POLR1D: variants seen among roughly 807,000 people sequenced by gnomAD.
The protein encoded by POLR1D is DNA-directed RNA polymerases I and III subunit RPAC2.
A neutral mutation model predicts 10.8 loss-of-function variants in POLR1D; 8 were observed. The observed-to-expected ratio is 0.74, with a 90% CI of 0.43 to 1.33. The LOEUF (loss-of-function observed/expected upper bound fraction) is 1.33. Among genes scored for constraint, POLR1D ranks in the 40% most tolerant of loss-of-function variants. POLR1D has a pLI of 0.01. For missense variants in POLR1D, 152 were observed against 161.7 expected, an observed-to-expected ratio of 0.94 and a Z score of 0.32; for synonymous variants, 54 against 57.2, an observed-to-expected ratio of 0.94 and a Z score of 0.25.
At chr13:27,640,363 G>A (rs1200681044) in intron 1 of POLR1D, among the ~76,000 whole-genome samples, 1 of 152,164 alleles carries the variant, frequency 6.6e-6, no homozygotes, top group Non-Finnish European at 1.5e-5. Flanking sequence ...AATATGTGAA[G>A]ATTGTACCAA....
intron 2 of POLR1D, among the ~76,000 whole-genome samples, chr13:27,658,909 C>T (rs1200209881): frequency 6.6e-6 from 1 of 152,192 alleles, no homozygotes; most frequent in Non-Finnish European, 1.5e-5. Flanking sequence ...AGTCTAGTGC[C>T]TGTGGAACTT....
chr13:27,653,829 G>C (rs536511319), intron 2 of POLR1D, among the ~76,000 whole-genome samples: 66 of 152,256 alleles, frequency 4.3e-4, no homozygotes, highest in Non-Finnish European at 7.9e-4. Context: ...GCTTATAGAA[G>C]ACACCTGGGT....
intron 2 of POLR1D, chr13:27,660,886 G>C (rs555844868): frequency 4.6e-5 from 7 of 152,304 alleles, no homozygotes; most frequent in African/African-American, 1.7e-4. Flanking sequence ...GAGATGAAAT[G>C]AGGCAACATT....
intron 1 of POLR1D, among the ~76,000 whole-genome samples, chr13:27,633,025 C>T (rs1343412953): frequency 3.3e-5 from 5 of 152,102 alleles, no homozygotes; most frequent in African/African-American, 1.2e-4. Flanking sequence ...GTCTTCAACT[C>T]CATAGTTTGT....
chr13:27,662,192 G>A (rs962634104), intron 2 of POLR1D, among the ~76,000 whole-genome samples: 5 of 152,016 alleles, frequency 3.3e-5, no homozygotes, highest in Admixed American at 2.0e-4. Flanking sequence ...CAAAAATTCC[G>A]GATGTATTAG....
At chr13:27,622,696 C>G in intron 1 of POLR1D, 179 bp from the exon 2 acceptor site, 1 of 592,638 alleles carries the variant, frequency 1.7e-6, no homozygotes, top group Non-Finnish European at 3.0e-6. Context: ...AAACTGGAGG[C>G]AATAAATTAA....
intron 1 of POLR1D, among the ~76,000 whole-genome samples, chr13:27,645,563 A>G (rs952266931): frequency 7.2e-5 from 11 of 152,254 alleles, no homozygotes; most frequent in South Asian, 2.1e-4. Context: ...TTAAAGCTCT[A>G]TATCTTCATT....
intron 2 of POLR1D, among the ~76,000 whole-genome samples, chr13:27,658,009 G>A (rs1956324547): frequency 6.6e-6 from 1 of 152,124 alleles, no homozygotes; most frequent in Non-Finnish European, 1.5e-5. Context: ...TGCTCGTTCT[G>A]GAAGATCACC....
chr13:27,660,105 A>G (rs1243599580), intron 2 of POLR1D, among the ~76,000 whole-genome samples: 1 of 152,156 alleles, frequency 6.6e-6, no homozygotes, highest in African/African-American at 2.4e-5. Context: ...CATAAAAAGC[A>G]TTTTTCAGGT....
intron 1 of POLR1D, among the ~76,000 whole-genome samples, chr13:27,641,322 A>T (rs1400489960): frequency 6.6e-6 from 1 of 152,230 alleles, no homozygotes; most frequent in Admixed American, 6.5e-5. Flanking sequence ...CCCCAAGTCA[A>T]AGTATTTACA....
intron 1 of POLR1D, among the ~76,000 whole-genome samples, chr13:27,641,075 T>G (rs75436500): frequency 0.034 from 5,205 of 152,308 alleles, 140 homozygotes; most frequent in Non-Finnish European, 0.056. Flanking sequence ...TTAAAAAAAA[T>G]TTTCAATCCA....
chr13:27,656,068 A>G (rs1312802151), intron 2 of POLR1D, among the ~76,000 whole-genome samples: 1 of 151,896 alleles, frequency 6.6e-6, no homozygotes, highest in Non-Finnish European at 1.5e-5. Flanking sequence ...AATACAGGAT[A>G]ATATTTTTAT....
upstream of POLR1D, chr13:27,621,295 C>T (rs1256650680): frequency 1.3e-5 from 2 of 152,312 alleles, no homozygotes; most frequent in Non-Finnish European, 2.9e-5. Flanking sequence ...AACTCTCACT[C>T]CCCCAAAAGA....
intron 2 of POLR1D, among the ~76,000 whole-genome samples, chr13:27,659,925 T>TATATATATATATATATATATATATATAC (rs528297415): frequency 8.0e-5 from 12 of 149,380 alleles, no homozygotes; most frequent in African/African-American, 2.8e-4. Flanking sequence ...TATATATATA[T>TATATATATATATATATATATATATATAC]ACACACACAT....
chr13:27,623,795 G>C (rs900800309), downstream of POLR1D, among the ~76,000 whole-genome samples: 4 of 152,194 alleles, frequency 2.6e-5, no homozygotes, highest in East Asian at 1.9e-4. Flanking sequence ...TGGAAGAAGT[G>C]TGAGAATTCT....
chr13:27,665,475 CA>C (rs1956406515), intron 2 of POLR1D: 1 of 588,960 alleles, frequency 1.7e-6, no homozygotes, highest in Non-Finnish European at 3.0e-6. Context: ...TAAAGTGTTC[CA>C]GCCAGTCTTG....
chr13:27,630,378 A>T (rs1379076181), intron 1 of POLR1D, among the ~76,000 whole-genome samples: 4 of 152,210 alleles, frequency 2.6e-5, no homozygotes, highest in African/African-American at 9.7e-5. Flanking sequence ...CCAAGAGAAA[A>T]TCCAACAGCC....
At chr13:27,650,106 G>C (rs1484071682) in intron 2 of POLR1D, 4 of 398,374 alleles carry the variant, frequency 1.0e-5, no homozygotes, top group Non-Finnish European at 1.3e-5. Flanking sequence ...TAAAGCCACT[G>C]TTATCCTCTG....
chr13:27,666,483 A>G (rs1956420291), exon 3 of POLR1D: 1 of 152,506 alleles, frequency 6.6e-6, no homozygotes, highest in Non-Finnish European at 1.5e-5. Flanking sequence ...CAATGTAGGA[A>G]ATCCTCAAAG....
Sources: gnomAD v4.1 joint callset for allele counts (sites outside exome capture counted in the v4.1 genomes callset) on GRCh38, gnomAD v4.1.1 for gene constraint, MANE v1.5 for transcripts, NCBI Gene and HGNC (gene_info 2026-07-23, HGNC 2026-07-21) for gene names.